Variants in ACSS1 observed in about 807,000 individuals in gnomAD.
ACSS1 encodes the protein acyl-CoA synthetase short chain family member 1.
Under a neutral mutation model 75.3 loss-of-function variants are expected in ACSS1, and 42 were observed. The ratio of observed to expected loss-of-function variants is 0.56; its 90% CI spans 0.44 to 0.72. ACSS1 has a LOEUF of 0.72. Ranked by LOEUF, ACSS1 falls within the 30% of genes least tolerant of loss-of-function variation. The pLI is 0.00. For synonymous variants in ACSS1, 380 were observed against 376.8 expected (o/e 1.01, Z -0.10); for missense variants, 782 against 935.7 (o/e 0.84, Z 2.14).
intron 2 of ACSS1, among the ~76,000 whole-genome samples, chr20:25,042,714 C>A (rs1202923397): frequency 6.6e-6 from 1 of 152,114 alleles, no homozygotes; most frequent in Non-Finnish European, 1.5e-5. Context: ...CAGGCAAAGT[C>A]CCGCTGAGTA....
At chr20:25,049,194 A>C (rs942690297) in intron 1 of ACSS1, among the ~76,000 whole-genome samples, 5 of 152,216 alleles carry the variant, frequency 3.3e-5, no homozygotes, top group Non-Finnish European at 5.9e-5. Flanking sequence ...AAGAGAAGAC[A>C]TGCCCAAAAA....
intron 1 of ACSS1, 96 bp downstream of exon 1, chr20:25,057,673 C>T: frequency 7.7e-7 from 1 of 1,293,702 alleles, no homozygotes; most frequent in Non-Finnish European, 1.0e-6. Context: ...GGCTGCGATC[C>T]GCGCTGCCCG....
chr20:25,055,112 C>T (rs763288901), intron 1 of ACSS1, among the ~76,000 whole-genome samples: 33 of 152,200 alleles, frequency 2.2e-4, no homozygotes, highest in Non-Finnish European at 3.8e-4. Context: ...TCTATAATCA[C>T]GAATAAAGTG....
chr20:25,021,545 A>G lies in ACSS1; in HGVS notation c.961-9T>C, dbSNP rs2088626024. On this transcript the variant is annotated splice_polypyrimidine_tract_variant and intron_variant, in intron 5 of 13. Coordinates refer to ENST00000323482, the MANE Select transcript of ACSS1 (RefSeq NM_032501.4). ...TGGTGGTCAAACACAAGCTGCAGAG[A>G]CAGGAAAGGAGCATCAGGAGCTTGT... is the stretch of plus-strand genomic sequence containing the variant. 1.2e-6 allele frequency: 2 copies of G among 1,612,940 alleles called. No individual in the cohort carries two copies. The highest frequency in any genetic ancestry group is 1.7e-4 in the Middle Eastern group (1 of 6,052).
chr20:25,045,244 A>C (rs1282470947), intron 2 of ACSS1, among the ~76,000 whole-genome samples: 1 of 152,198 alleles, frequency 6.6e-6, no homozygotes, highest in Non-Finnish European at 1.5e-5. Flanking sequence ...GCACAAGGTC[A>C]CAGGCCAGCA....
At chr20:25,054,693 T>C (rs1239733449) in intron 1 of ACSS1, among the ~76,000 whole-genome samples, 1 of 152,030 alleles carries the variant, frequency 6.6e-6, no homozygotes, top group Non-Finnish European at 1.5e-5. Flanking sequence ...GACTTGGGAG[T>C]GAGAAACAGG....
Position 25,023,556 on chromosome 20 carries a change from C to T in ACSS1, c.717G>A (p.Val239=). 1 of 1,614,168 alleles carries T rather than the reference C, an allele frequency of 6.2e-7. No individual in the cohort carries two copies. The part of the protein sequence containing the change: ...VELKKIVDEA[V]KHCPTVQHVL... ...CATGCTGCACGGTGGGGCAGTGCTTCACAGCCTCATCCACTATTTTCTTCA... is the reference window on the plus strand; with the variant it reads ...CATGCTGCACGGTGGGGCAGTGCTTTACAGCCTCATCCACTATTTTCTTCA... The change falls in exon 4 of 14, where the codon GTG becomes GTA. Residue 239 remains valine, a synonymous_variant. Coordinates refer to ENST00000323482, the MANE Select transcript of ACSS1 (RefSeq NM_032501.4).
At chr20:25,036,032 T>C (rs372853796) in intron 2 of ACSS1, among the ~76,000 whole-genome samples, 6 of 152,222 alleles carry the variant, frequency 3.9e-5, no homozygotes, top group Non-Finnish European at 5.9e-5. Flanking sequence ...GATCCTCTTA[T>C]GTAGCACCCT....
At chr20:25,020,435 A>C (rs1464731551) in intron 6 of ACSS1, among the ~76,000 whole-genome samples, 2 of 152,250 alleles carry the variant, frequency 1.3e-5, no homozygotes, top group Non-Finnish European at 2.9e-5. Context: ...AGGTGATACT[A>C]CGTGGATTTA....
chr20:25,008,208 G>C (rs571265615), intron 13 of ACSS1, among the ~76,000 whole-genome samples: 18 of 152,228 alleles, frequency 1.2e-4, no homozygotes, highest in Non-Finnish European at 1.9e-4. Flanking sequence ...ACTGCCGTCC[G>C]TCTGTCCTGC....
chr20:25,035,043 C>T (rs547711612), intron 2 of ACSS1, among the ~76,000 whole-genome samples: 3 of 151,160 alleles, frequency 2.0e-5, no homozygotes, highest in South Asian at 2.1e-4. Context: ...TACAGGTGCC[C>T]GCCACCACGC....
At chr20:25,008,718 A>G (rs1961067309) in intron 13 of ACSS1, among the ~76,000 whole-genome samples, 1 of 152,224 alleles carries the variant, frequency 6.6e-6, no homozygotes. Context: ...CACTGCCACC[A>G]GGAAAAGTGC....
chr20:25,031,255 G>A (rs2088819617), intron 2 of ACSS1: 3 of 444,568 alleles, frequency 6.7e-6, no homozygotes, highest in African/African-American at 2.0e-5. Flanking sequence ...GGGAGCCATG[G>A]TGACACCATT....
chr20:25,057,964 C>A lies in ACSS1; in HGVS notation c.139G>T (p.Ala47Ser). ...AASGPSGSAP[A>S]VAAAAAQPGS... The stretch of plus-strand genomic sequence containing the variant: ...GGCTGTGCTGCTGCTGCTGCAACTG[C>A]GGGAGCGCTGCCCGAGGGTCCCGAG... Residue 47 changes from alanine (A) to serine (S), a missense_variant, in exon 1 of 14, where the codon GCA (alanine) becomes TCA (serine). Physicochemically the swap from Ala to Ser is moderately conservative, Grantham distance 99. This residue lies in a region of ACSS1 where 377 missense variants were observed against 383.1 expected (regional missense o/e 0.98). Transcript: ENST00000323482. 3 of 1,586,098 alleles carry A rather than the reference C, an allele frequency of 1.9e-6. No individual in the cohort carries two copies. The highest frequency in any genetic ancestry group is 2.6e-6 in the Non-Finnish European group (3 of 1,167,346).
At chr20:25,014,972 C>G (rs182544987) in intron 8 of ACSS1, among the ~76,000 whole-genome samples, 166 bp downstream of exon 8, 98 of 152,358 alleles carry the variant, frequency 6.4e-4, no homozygotes, top group African/African-American at 2.3e-3. Flanking sequence ...AGCAGCCAGG[C>G]GACCTCTGAG....
chr20:25,006,928 T>G lies in ACSS1; in HGVS notation c.*834A>C. 1 of 1,535,478 alleles carries G rather than the reference T, an allele frequency of 6.5e-7. No individual in the cohort carries two copies. Among genetic ancestry groups the G allele is most frequent in the Non-Finnish European group, 8.7e-7 (1 of 1,146,728 alleles). ...AAGAACCCAACTATTTGGAGTATGT[T>G]GCCTCTCCTATCAAGAGGCATCTGG... is the stretch of plus-strand genomic sequence containing the variant. On this transcript the variant is annotated 3_prime_UTR_variant, in exon 14 of 14. Transcript: ENST00000323482.
chr20:25,030,642 T>C (rs2088805128), intron 3 of ACSS1, 117 bp downstream of exon 3: 1 of 1,195,776 alleles, frequency 8.4e-7, no homozygotes, highest in Non-Finnish European at 1.2e-6. Flanking sequence ...CGATCTGTCA[T>C]TTGTCTGTGT....
intron 3 of ACSS1, among the ~76,000 whole-genome samples, chr20:25,024,875 G>A (rs546279131): frequency 1.3e-5 from 2 of 152,292 alleles, no homozygotes; most frequent in East Asian, 3.9e-4. Context: ...AGATACCCTA[G>A]ACCTGCCCAG....
chr20:25,007,753 G>T lies in ACSS1; in HGVS notation c.*9C>A, dbSNP rs6050248. On this transcript the variant is annotated 3_prime_UTR_variant, in exon 14 of 14. Coordinates refer to ENST00000323482, the MANE Select transcript of ACSS1 (RefSeq NM_032501.4). ...CCCGCCCATCCCAAGAGCCCCACAAGGTGCCAGCTCACTTAGCAGCAGCCT... is the reference window on the plus strand; with the variant it reads ...CCCGCCCATCCCAAGAGCCCCACAATGTGCCAGCTCACTTAGCAGCAGCCT... 1.2e-6 allele frequency: 2 copies of T among 1,613,284 alleles called. No individual in the cohort carries two copies. Among genetic ancestry groups the T allele is most frequent in the Non-Finnish European group, 1.7e-6 (2 of 1,179,452 alleles).
Sources: allele counts gnomAD v4.1 joint callset (sites outside exome capture counted in the v4.1 genomes callset), GRCh38; gene constraint gnomAD v4.1.1; regional missense constraint gnomAD v4.1.1; transcripts MANE v1.5; gene names NCBI Gene and HGNC (gene_info 2026-07-23, HGNC 2026-07-21).